Variants in FOXP1 observed in about 807,000 individuals in gnomAD.
FOXP1 encodes forkhead box P1.
FOXP1 carries 15 observed loss-of-function variants against 98.2 expected under a neutral mutation model. The observed-to-expected ratio is 0.15, with a 90% CI of 0.10 to 0.24. The LOEUF (loss-of-function observed/expected upper bound fraction) is 0.24, where lower values mean the gene tolerates loss of function less well. Among genes scored for constraint, FOXP1 ranks in the 10% least tolerant of loss-of-function variants. FOXP1 has a pLI of 1.00. For missense variants in FOXP1, 633 were observed against 848.5 expected (o/e 0.75, Z 3.15); for synonymous variants, 371 against 314.5 (o/e 1.18, Z -1.90).
chr3:71,026,233 A>G (rs777654892), intron 11 of FOXP1, among the ~76,000 whole-genome samples: 10 of 152,196 alleles, frequency 6.6e-5, no homozygotes, highest in Non-Finnish European at 1.5e-4. Context: ...AATGAGGCTC[A>G]TTTTATTTAA....
chr3:71,357,205 T>G (rs1362398553), intron 4 of FOXP1, among the ~76,000 whole-genome samples: 3 of 152,200 alleles, frequency 2.0e-5, no homozygotes, highest in Admixed American at 6.5e-5. Flanking sequence ...CAAGCCTTAA[T>G]GAAATCTTAC....
At chr3:71,572,308 C>G (rs1322269739) in intron 2 of FOXP1, 1 of 152,068 alleles carries the variant, frequency 6.6e-6, no homozygotes, top group Non-Finnish European at 1.5e-5. Flanking sequence ...AAAACACAGA[C>G]AAATGAACAA....
At chr3:71,499,655 C>A (rs1451662183) in intron 2 of FOXP1, among the ~76,000 whole-genome samples, 1 of 152,224 alleles carries the variant, frequency 6.6e-6, no homozygotes, top group East Asian at 1.9e-4. Flanking sequence ...GTTACACAAC[C>A]TGATAAGAAG....
At chr3:71,377,960 A>T (rs928533887) in intron 3 of FOXP1, among the ~76,000 whole-genome samples, 1 of 152,166 alleles carries the variant, frequency 6.6e-6, no homozygotes, top group Admixed American at 6.5e-5. Flanking sequence ...TTTATCCCCC[A>T]GACATCTAAA....
At chr3:71,390,807 C>G (rs2080974154) in intron 3 of FOXP1, among the ~76,000 whole-genome samples, 1 of 152,136 alleles carries the variant, frequency 6.6e-6, no homozygotes, top group Non-Finnish European at 1.5e-5. Flanking sequence ...TTGAAATAAA[C>G]AGTTCAAATT....
chr3:71,571,094 A>C (rs1408499943), intron 2 of FOXP1: 1 of 152,240 alleles, frequency 6.6e-6, no homozygotes, highest in African/African-American at 2.4e-5. Flanking sequence ...TACAGTAGTA[A>C]AACAAGTGCT....
At chr3:71,403,090 C>T (rs13067084) in intron 3 of FOXP1, among the ~76,000 whole-genome samples, 1 of 152,084 alleles carries the variant, frequency 6.6e-6, no homozygotes, top group African/African-American at 2.4e-5. Context: ...AGGAAGTTTA[C>T]TTTTTTGTTT....
chr3:71,153,847 C>T (rs895814883), intron 6 of FOXP1, among the ~76,000 whole-genome samples: 1 of 152,196 alleles, frequency 6.6e-6, no homozygotes, highest in African/African-American at 2.4e-5. Flanking sequence ...ATACTGTATA[C>T]TTTCCTTTCT....
chr3:71,580,770 C>G, intron 2 of FOXP1: 3 of 984,944 alleles, frequency 3.0e-6, no homozygotes, highest in Non-Finnish European at 2.4e-6. Flanking sequence ...TTGAGGTCTT[C>G]TCAACTCAGC....
intron 5 of FOXP1, among the ~76,000 whole-genome samples, chr3:71,200,220 A>G (rs2063585282): frequency 6.6e-6 from 1 of 152,174 alleles, no homozygotes; most frequent in Non-Finnish European, 1.5e-5. Context: ...AAAGATGTTC[A>G]AAGATGAGAA....
intron 13 of FOXP1, among the ~76,000 whole-genome samples, chr3:70,995,531 G>A (rs1216592206): frequency 6.6e-6 from 1 of 152,162 alleles, no homozygotes; most frequent in Admixed American, 6.5e-5. Flanking sequence ...AAAAAGCCAT[G>A]TATGTCATCG....
At chr3:71,560,622 T>G (rs1317201111) in intron 2 of FOXP1, among the ~76,000 whole-genome samples, 3 of 152,164 alleles carry the variant, frequency 2.0e-5, no homozygotes, top group African/African-American at 7.2e-5. Context: ...CAGAGTAGTA[T>G]TAACCAAAAC....
At chr3:71,329,623 CT>C (rs1560315880) in intron 4 of FOXP1, among the ~76,000 whole-genome samples, 2 of 149,496 alleles carry the variant, frequency 1.3e-5, no homozygotes, top group Admixed American at 1.3e-4. Context: ...CCCTAAAGCA[CT>C]GGGAGAAAAC....
intron 3 of FOXP1, among the ~76,000 whole-genome samples, chr3:71,491,670 A>G (rs2091070689): frequency 6.6e-6 from 1 of 152,202 alleles, no homozygotes; most frequent in Non-Finnish European, 1.5e-5. Context: ...ACAAGTTATC[A>G]GTTAACAAAC....
intron 3 of FOXP1, among the ~76,000 whole-genome samples, chr3:71,422,653 C>T (rs911644405): frequency 6.6e-6 from 1 of 152,154 alleles, no homozygotes; most frequent in Non-Finnish European, 1.5e-5. Context: ...AAAGAATAAT[C>T]GCCCAAGCTG....
At chr3:71,446,012 A>G (rs907690799) in intron 3 of FOXP1, among the ~76,000 whole-genome samples, 1 of 151,864 alleles carries the variant, frequency 6.6e-6, no homozygotes, top group Admixed American at 6.6e-5. Context: ...AACACATACA[A>G]GTATCTATTG....
chr3:71,323,216 G>A (rs935682924), intron 4 of FOXP1, among the ~76,000 whole-genome samples: 3 of 152,052 alleles, frequency 2.0e-5, no homozygotes, highest in Non-Finnish European at 2.9e-5. Context: ...TGATCCGCCC[G>A]CCTCGGCCTT....
intron 6 of FOXP1, among the ~76,000 whole-genome samples, chr3:71,184,382 T>A (rs2062520075): frequency 6.6e-6 from 1 of 152,258 alleles, no homozygotes; most frequent in Non-Finnish European, 1.5e-5. Context: ...TACTGTAATC[T>A]GTGCTCATTT....
chr3:71,486,202 A>G (rs1310352024), intron 3 of FOXP1, among the ~76,000 whole-genome samples: 1 of 152,162 alleles, frequency 6.6e-6, no homozygotes, highest in Non-Finnish European at 1.5e-5. Flanking sequence ...TCAACATTAA[A>G]ACCAGAATAA....
Sources: allele counts gnomAD v4.1 joint callset (sites outside exome capture counted in the v4.1 genomes callset), GRCh38; gene constraint gnomAD v4.1.1; transcripts MANE v1.5; gene names NCBI Gene and HGNC (gene_info 2026-07-23, HGNC 2026-07-21).